Variants in RAB12 observed in about 807,000 individuals in gnomAD.
RAB12 encodes RAB12, member RAS oncogene family, also known as ras-related protein Rab-12.
RAB12 carries 11 observed loss-of-function variants against 28.4 expected under a neutral mutation model. The observed-to-expected ratio is 0.39, with a 90% CI of 0.24 to 0.64. RAB12 has a LOEUF of 0.64. RAB12 is among the 30% of genes least tolerant of loss of function. The pLI, the probability that RAB12 is intolerant of heterozygous loss-of-function variation, is 0.50. For synonymous variants in RAB12, 138 were observed against 145.3 expected, an observed-to-expected ratio of 0.95 and a Z score of 0.36; for missense variants, 276 against 351.1, an observed-to-expected ratio of 0.79 and a Z score of 1.71.
At chr18:8,611,002 A>G (rs1268683116) in intron 1 of RAB12, among the ~76,000 whole-genome samples, 1 of 152,240 alleles carries the variant, frequency 6.6e-6, no homozygotes, top group Non-Finnish European at 1.5e-5. Context: ...ACAAAACAGT[A>G]CTACATTTAA....
chr18:8,626,623 C>T (rs574182532), intron 2 of RAB12, among the ~76,000 whole-genome samples: 1 of 152,334 alleles, frequency 6.6e-6, no homozygotes, highest in African/African-American at 2.4e-5. Flanking sequence ...ACTACAATGT[C>T]CTTGACTCTG....
At chr18:8,637,170 T>A (rs989103336) in intron 5 of RAB12, among the ~76,000 whole-genome samples, 19 of 152,098 alleles carry the variant, frequency 1.2e-4, no homozygotes, top group African/African-American at 4.3e-4. Context: ...CTACCCAGGC[T>A]GATGCAGGAG....
intron 4 of RAB12, 76 bp downstream of exon 4, chr18:8,635,698 T>A: frequency 1.1e-6 from 1 of 880,830 alleles, no homozygotes; most frequent in Non-Finnish European, 1.7e-6. Flanking sequence ...AATAAATTAC[T>A]TATTTTAAAA....
At position 8,609,626 on chromosome 18, in the gene RAB12, C is replaced by G; in HGVS notation, c.187C>G (p.Pro63Ala). 2 of 485,944 alleles carry G rather than the reference C, an allele frequency of 4.1e-6. No homozygotes were observed. Among genetic ancestry groups the G allele is most frequent in the Non-Finnish European group, 5.3e-6 (2 of 376,350 alleles). 30.1% of individuals were successfully genotyped at this position (485,944 alleles called of 1,614,324 possible). Residue 63 changes from proline (P) to alanine (A), a missense_variant, in exon 1 of 6, where the codon CCC becomes GCC. Pro to Ala is a conservative substitution (Grantham distance 27). Coordinates refer to ENST00000649141, the MANE Select transcript of RAB12 (RefSeq NM_001025300.3). Reference sequence around the variant, plus strand: ...GGCGGAAGCCGAGCCCGGGGCCGACCCCCCGCGCGCGGCGGAGGCCGAGGG... The same window carrying G: ...GGCGGAAGCCGAGCCCGGGGCCGACGCCCCGCGCGCGGCGGAGGCCGAGGG... ...QRAEAEPGAD[P>A]PRAAEAEGAP...
chr18:8,613,859 TA>T (rs2096005246), intron 1 of RAB12, among the ~76,000 whole-genome samples: 24 of 151,996 alleles, frequency 1.6e-4, no homozygotes, highest in Non-Finnish European at 1.3e-4. Context: ...GTAGTAGTAG[TA>T]GTAGTAGTGG....
At position 8,625,913 on chromosome 18, in the gene RAB12, A is replaced by C. The variant is rs534741394; in HGVS notation, c.575+915A>C. On this transcript the variant is annotated intron_variant, in intron 2 of 5. Transcript: ENST00000649141. The stretch of plus-strand genomic sequence containing the variant: ...CACCTAATGCTTGAATGTTAGTGCC[A>C]TGTCTTCATTCTTCATCCGTGTCCC... Among the ~76,000 whole-genome samples the C allele has an allele frequency of 1.2e-4, 18 of 152,298 alleles. No homozygotes were observed. The South Asian group carries it at 3.5e-3, about 30-fold the overall frequency.
At chr18:8,632,891 G>C in intron 2 of RAB12, 1 of 331,968 alleles carries the variant, frequency 3.0e-6, no homozygotes, top group Non-Finnish European at 5.4e-6. Context: ...TCCTGTTGCT[G>C]ATTTTCTGTC....
chr18:8,633,377 T>G, intron 3 of RAB12, 50 bp downstream of exon 3: 1 of 1,587,126 alleles, frequency 6.3e-7, no homozygotes, highest in Non-Finnish European at 8.6e-7. Flanking sequence ...TTGTGAGTCT[T>G]AATCATTATT....
At chr18:8,631,306 G>A (rs894915635) in intron 2 of RAB12, among the ~76,000 whole-genome samples, 1 of 152,212 alleles carries the variant, frequency 6.6e-6, no homozygotes, top group African/African-American at 2.4e-5. Context: ...CTTAAATAGT[G>A]TCAATTGTCC....
chr18:8,629,577 C>A (rs1388462809), intron 2 of RAB12, among the ~76,000 whole-genome samples: 1 of 152,228 alleles, frequency 6.6e-6, no homozygotes, highest in African/African-American at 2.4e-5. Context: ...TCCTCACCTT[C>A]CAGTCAGGGC....
At chr18:8,633,478 A>G (rs2096017108) in intron 3 of RAB12, 151 bp downstream of exon 3, 3 of 871,916 alleles carry the variant, frequency 3.4e-6, no homozygotes, top group Non-Finnish European at 1.8e-6. Flanking sequence ...ATAGGGATGT[A>G]GTCCTGTATT....
intron 2 of RAB12, among the ~76,000 whole-genome samples, chr18:8,629,426 A>C (rs1185897746): frequency 6.6e-6 from 1 of 152,046 alleles, no homozygotes; most frequent in Non-Finnish European, 1.5e-5. Flanking sequence ...TTGTTTTTGC[A>C]GTTCTGAGGC....
chr18:8,614,141 T>C (rs944249456), intron 1 of RAB12, among the ~76,000 whole-genome samples: 2 of 152,208 alleles, frequency 1.3e-5, no homozygotes, highest in African/African-American at 2.4e-5. Context: ...AGGTCAGACA[T>C]GATGGAGCCC....
intron 1 of RAB12, chr18:8,610,199 C>T: frequency 2.5e-6 from 1 of 397,430 alleles, no homozygotes; most frequent in Non-Finnish European, 4.6e-6. Flanking sequence ...CCTGGCAGCC[C>T]CCGGGGCCTG....
At position 8,638,082 on chromosome 18, in the gene RAB12, C is replaced by T. The variant is rs1598315380; in HGVS notation, c.910-67C>T. Reference sequence around the variant, plus strand: ...GACCTGTGCAGTTGAAACTCATGTTCAAGGGTCAGCTGTATGTGTACCTTG... The same window carrying T: ...GACCTGTGCAGTTGAAACTCATGTTTAAGGGTCAGCTGTATGTGTACCTTG... On this transcript the variant is annotated intron_variant, in intron 5 of 5. Transcript: ENST00000649141. 33 of 1,008,542 alleles carry T rather than the reference C, an allele frequency of 3.3e-5. 1 individual carries two copies. The South Asian group carries it at 4.4e-4, about 14-fold the overall frequency. 62.5% of individuals were successfully genotyped at this position (1,008,542 alleles called of 1,614,324 possible).
intron 1 of RAB12, among the ~76,000 whole-genome samples, chr18:8,612,096 A>G (rs1567891707): frequency 1.3e-5 from 2 of 152,142 alleles, no homozygotes; most frequent in African/African-American, 4.8e-5. Flanking sequence ...TATGCTACCC[A>G]GTGGGGATTC....
intron 1 of RAB12, among the ~76,000 whole-genome samples, chr18:8,621,123 G>A (rs1301960708): frequency 3.9e-5 from 6 of 152,084 alleles, no homozygotes; most frequent in African/African-American, 1.4e-4. Flanking sequence ...TAGTGAAGTC[G>A]CCACCCTCTT....
chr18:8,625,812 C>A (rs2096012344), intron 2 of RAB12, among the ~76,000 whole-genome samples: 1 of 152,190 alleles, frequency 6.6e-6, no homozygotes, highest in Admixed American at 6.5e-5. Context: ...TCACCCTCAG[C>A]TCTGATTGTT....
intron 1 of RAB12, 87 bp downstream of exon 1, chr18:8,610,040 C>T (rs2096002820): frequency 9.6e-7 from 1 of 1,045,758 alleles, no homozygotes; most frequent in African/African-American, 1.7e-5. Flanking sequence ...CTCATCGAGC[C>T]TGGGAGTCTT....
Sources: gnomAD v4.1 joint callset for allele counts (sites outside exome capture counted in the v4.1 genomes callset) on GRCh38, gnomAD v4.1.1 for gene constraint, MANE v1.5 for transcripts, NCBI Gene and HGNC (gene_info 2026-07-23, HGNC 2026-07-21) for gene names.